RASGRF2: variants seen among roughly 807,000 people sequenced by gnomAD.
RASGRF2 encodes the protein ras-specific guanine nucleotide-releasing factor 2.
In RASGRF2, 76 loss-of-function variants were observed where a neutral mutation model predicts 151.0. The observed-to-expected ratio is 0.50, with a 90% confidence interval of 0.42 to 0.61. RASGRF2 has a LOEUF of 0.61. RASGRF2 is among the 20% of genes least tolerant of loss of function. The pLI, the probability that RASGRF2 is intolerant of heterozygous loss-of-function variation, is 0.00. For missense variants in RASGRF2, 1,148 were observed against 1,564.6 expected (o/e 0.73, Z 4.49); for synonymous variants, 504 against 566.5 (o/e 0.89, Z 1.57).
intron 5 of RASGRF2, among the ~76,000 whole-genome samples, chr5:81,079,819 AT>A (rs1453537416): frequency 6.6e-6 from 1 of 152,134 alleles, no homozygotes; most frequent in East Asian, 1.9e-4. Context: ...TAATTTTCTG[AT>A]TATTGATTGA....
chr5:81,019,127 A>C (rs1749744048), intron 1 of RASGRF2, among the ~76,000 whole-genome samples: 1 of 109,728 alleles, frequency 9.1e-6, no homozygotes, highest in African/African-American at 3.4e-5. Flanking sequence ...AACACTTGGA[A>C]TCTCTCTTCT....
intron 17 of RASGRF2, among the ~76,000 whole-genome samples, chr5:81,139,712 C>T (rs1580352759): frequency 6.6e-6 from 1 of 152,022 alleles, no homozygotes; most frequent in East Asian, 1.9e-4. Flanking sequence ...AGTTGGTGCT[C>T]ATATTTTACA....
At chr5:81,172,233 T>C (rs1211000537) in intron 17 of RASGRF2, among the ~76,000 whole-genome samples, 3 of 152,206 alleles carry the variant, frequency 2.0e-5, no homozygotes, top group African/African-American at 7.2e-5. Context: ...CATTTTAAAT[T>C]CAATATATAA....
chr5:81,073,553 T>G, intron 5 of RASGRF2, 101 bp downstream of exon 5: 23 of 1,252,758 alleles, frequency 1.8e-5, no homozygotes, highest in Non-Finnish European at 2.4e-5. Context: ...AATTCATCTC[T>G]ATTAGTTTAT....
At chr5:81,213,684 C>A (rs940753999) in intron 23 of RASGRF2, among the ~76,000 whole-genome samples, 3 of 152,132 alleles carry the variant, frequency 2.0e-5, no homozygotes, top group Non-Finnish European at 4.4e-5. Context: ...AATTTAATTT[C>A]TCCATGTGGC....
chr5:80,961,978 T>C (rs1170114943), intron 1 of RASGRF2, among the ~76,000 whole-genome samples: 1 of 152,222 alleles, frequency 6.6e-6, no homozygotes, highest in East Asian at 1.9e-4. Context: ...TTGTTTTTGC[T>C]GTTGCGTAAA....
chr5:80,998,224 T>G (rs1748958449), intron 1 of RASGRF2, among the ~76,000 whole-genome samples: 1 of 152,152 alleles, frequency 6.6e-6, no homozygotes, highest in African/African-American at 2.4e-5. Flanking sequence ...GGTTACCATC[T>G]TCCCAATTTT....
At chr5:80,981,332 A>G (rs1227797689) in intron 1 of RASGRF2, among the ~76,000 whole-genome samples, 1 of 152,094 alleles carries the variant, frequency 6.6e-6, no homozygotes, top group African/African-American at 2.4e-5. Context: ...TTGCTTTAAA[A>G]ATTGTGGTAC....
At chr5:81,142,236 T>C (rs911370825) in intron 17 of RASGRF2, among the ~76,000 whole-genome samples, 2 of 152,264 alleles carry the variant, frequency 1.3e-5, no homozygotes, top group Middle Eastern at 3.4e-3. Context: ...CCTCAAAATA[T>C]TCCTGTCCCG....
At chr5:81,164,468 A>AC (rs397717207) in intron 17 of RASGRF2, among the ~76,000 whole-genome samples, 3 of 149,996 alleles carry the variant, frequency 2.0e-5, no homozygotes, top group Non-Finnish European at 4.4e-5. Context: ...AAAAAAAAAA[A>AC]CCCTCATGAA....
At position 81,225,720 on chromosome 5, in the gene RASGRF2, G is replaced by A; in HGVS notation, c.3664G>A (p.Asp1222Asn). 2 of 1,612,252 alleles carry A rather than the reference G, an allele frequency of 1.2e-6. No homozygotes were observed. The highest frequency in any genetic ancestry group is 1.7e-6 in the Non-Finnish European group (2 of 1,179,570). Reference protein sequence around the residue: ...LLDKDLIIDEDTLYELSLKIE... With the variant: ...LLDKDLIIDENTLYELSLKIE... ...TGACAAAGACCTTATCATAGATGAA[G>A]ATACGCTATATGAGCTGTCACTAAA... Residue 1222 changes from aspartate (D) to asparagine (N), a missense_variant, in exon 27 of 27, where the codon GAT (aspartate) becomes AAT (asparagine). Asp to Asn is a conservative substitution (Grantham distance 23). Around this residue, in one of 5 missense-constraint regions of RASGRF2, gnomAD observed 100 missense variants for 148.2 expected, o/e 0.67. Transcript: ENST00000265080.
chr5:81,095,042 A>G (rs372542105), intron 12 of RASGRF2, 50 bp downstream of exon 12: 1 of 1,309,444 alleles, frequency 7.6e-7, no homozygotes, highest in Non-Finnish European at 1.0e-6. Flanking sequence ...TTCACAACTC[A>G]AACTTTTGGA....
Position 81,225,819 on chromosome 5 carries a change from C to T in RASGRF2, c.*49C>T. On this transcript the variant is annotated 3_prime_UTR_variant, in exon 27 of 27. Coordinates refer to ENST00000265080, the MANE Select transcript of RASGRF2 (RefSeq NM_006909.3). Reference sequence around the variant, plus strand: ...CACGGGATGTTCATGGAAAGCAGGACAGACAGAATTGTGTATGCCTTGCCT... The same window carrying T: ...CACGGGATGTTCATGGAAAGCAGGATAGACAGAATTGTGTATGCCTTGCCT... 3 of 1,589,594 alleles carry T rather than the reference C, an allele frequency of 1.9e-6. No homozygotes were observed. Among genetic ancestry groups the T allele is most frequent in the South Asian group, 1.1e-5 (1 of 87,552 alleles).
chr5:81,198,967 C>A (rs929356809), intron 18 of RASGRF2, among the ~76,000 whole-genome samples: 1 of 152,156 alleles, frequency 6.6e-6, no homozygotes. Flanking sequence ...ATTTTTAGTT[C>A]TTTGAGAAAT....
At chr5:81,207,033 TGA>T in intron 20 of RASGRF2, 128 bp downstream of exon 20, 2 of 877,348 alleles carry the variant, frequency 2.3e-6, no homozygotes, top group African/African-American at 3.4e-5. Context: ...TGAAGCTCTG[TGA>T]GATGAACCAC....
intron 18 of RASGRF2, among the ~76,000 whole-genome samples, chr5:81,181,839 C>T (rs1431695994): frequency 6.6e-6 from 1 of 152,154 alleles, no homozygotes; most frequent in African/African-American, 2.4e-5. Context: ...TCCCTTTTCT[C>T]AATCCCCAGT....
chr5:81,221,107 A>G (rs183253857), intron 26 of RASGRF2, among the ~76,000 whole-genome samples: 197 of 152,294 alleles, frequency 1.3e-3, no homozygotes, highest in Non-Finnish European at 2.1e-3. Flanking sequence ...TTATATTATC[A>G]ACCTAATTTC....
intron 17 of RASGRF2, among the ~76,000 whole-genome samples, chr5:81,150,818 A>C (rs565546102): frequency 2.6e-5 from 4 of 152,362 alleles, no homozygotes; most frequent in Admixed American, 1.3e-4. Flanking sequence ...CACAATCAAG[A>C]GACCCAGAAT....
intron 1 of RASGRF2, among the ~76,000 whole-genome samples, chr5:81,037,575 T>C (rs905007677): frequency 2.0e-5 from 3 of 152,170 alleles, no homozygotes; most frequent in Admixed American, 6.5e-5. Context: ...AATGTTAAGA[T>C]ACAAATATAA....
Sources: gnomAD v4.1 joint callset for allele counts (sites outside exome capture counted in the v4.1 genomes callset) on GRCh38, gnomAD v4.1.1 for gene constraint, gnomAD v4.1.1 regional missense constraint, MANE v1.5 for transcripts, NCBI Gene and HGNC (gene_info 2026-07-23, HGNC 2026-07-21) for gene names.